KANSL1L: variants seen among roughly 807,000 people sequenced by gnomAD.
KANSL1L encodes the protein KAT8 regulatory NSL complex subunit 1-like protein.
KANSL1L carries 25 observed loss-of-function variants against 108.6 expected under a neutral mutation model. That is an observed-to-expected ratio of 0.23 (90% CI 0.17 to 0.32). KANSL1L has a LOEUF of 0.32. Among genes scored for constraint, KANSL1L ranks in the 10% least tolerant of loss-of-function variants. The pLI is 1.00. For synonymous variants in KANSL1L, 405 were observed against 395.1 expected (o/e 1.03, Z -0.30); for missense variants, 1,137 against 1,125.7 (o/e 1.01, Z -0.14).
intron 10 of KANSL1L, 48 bp downstream of exon 10, chr2:210,029,755 T>C: frequency 1.1e-6 from 1 of 928,530 alleles, no homozygotes; most frequent in Non-Finnish European, 1.7e-6. Flanking sequence ...AAATCAGGTG[T>C]TTTTATTTTT....
intron 6 of KANSL1L, among the ~76,000 whole-genome samples, chr2:210,062,450 G>C (rs2094429974): frequency 6.6e-6 from 1 of 152,166 alleles, no homozygotes; most frequent in Non-Finnish European, 1.5e-5. Flanking sequence ...CCAAAAATGT[G>C]GAAGCGACTT....
At chr2:210,169,295 A>C (rs1240335631) in intron 1 of KANSL1L, among the ~76,000 whole-genome samples, 2 of 152,232 alleles carry the variant, frequency 1.3e-5, no homozygotes, top group Non-Finnish European at 2.9e-5. Context: ...GAAACATCCC[A>C]CATACGTGCC....
chr2:210,154,510 C>A lies in KANSL1L; in HGVS notation c.73G>T (p.Asp25Tyr). The part of the protein sequence containing the change: ...FSSLPSTMES[D>Y]KMLYMESPRT... ...GGACTTTCCATGTAGAGCATCTTGT[C>A]AGACTCCATGGTACTTGGCAAAGAT... The change falls in exon 2 of 15, where the codon GAC becomes TAC. Residue 25 changes from aspartate to tyrosine, a missense_variant. Coordinates refer to ENST00000281772, the MANE Select transcript of KANSL1L (RefSeq NM_152519.4). 1 of 1,606,080 alleles carries A rather than the reference C, an allele frequency of 6.2e-7. No individual in the cohort carries two copies.
chr2:210,130,912 A>C (rs1198694663), intron 2 of KANSL1L, among the ~76,000 whole-genome samples: 1 of 152,134 alleles, frequency 6.6e-6, no homozygotes, highest in Non-Finnish European at 1.5e-5. Flanking sequence ...AATGAAAAAA[A>C]AGTCAGGAAA....
intron 5 of KANSL1L, among the ~76,000 whole-genome samples, chr2:210,090,622 T>G (rs1178421842): frequency 6.6e-6 from 1 of 152,162 alleles, no homozygotes; most frequent in Non-Finnish European, 1.5e-5. Context: ...CACTGCAGCC[T>G]CAACTGTCCT....
At chr2:210,101,776 A>C (rs2094795963) in intron 4 of KANSL1L, among the ~76,000 whole-genome samples, 1 of 152,212 alleles carries the variant, frequency 6.6e-6, no homozygotes, top group Admixed American at 6.5e-5. Context: ...CTGGGCAATT[A>C]TAAATTTAAC....
intron 6 of KANSL1L, among the ~76,000 whole-genome samples, chr2:210,051,181 TC>T (rs1275190466): frequency 6.6e-6 from 1 of 152,172 alleles, no homozygotes. Flanking sequence ...TTGAGCTAGT[TC>T]CCACATACTT....
At chr2:210,066,431 A>G (rs2094467518) in intron 6 of KANSL1L, among the ~76,000 whole-genome samples, 1 of 152,270 alleles carries the variant, frequency 6.6e-6, no homozygotes, top group African/African-American at 2.4e-5. Flanking sequence ...CAACGGGGAT[A>G]GGCTACTCTG....
chr2:210,090,213 A>C (rs964850273), intron 5 of KANSL1L, among the ~76,000 whole-genome samples: 1 of 152,146 alleles, frequency 6.6e-6, no homozygotes, highest in African/African-American at 2.4e-5. Context: ...TGTTTTATAA[A>C]AGTTCTGAGT....
chr2:210,138,511 T>TAA (rs1431239017), intron 2 of KANSL1L, among the ~76,000 whole-genome samples: 6 of 152,164 alleles, frequency 3.9e-5, no homozygotes, highest in South Asian at 2.1e-4. Flanking sequence ...ATCAATTCTA[T>TAA]AAAAAAAACT....
chr2:210,027,980 A>T (rs1380921711), intron 11 of KANSL1L, among the ~76,000 whole-genome samples: 1 of 152,188 alleles, frequency 6.6e-6, no homozygotes, highest in Non-Finnish European at 1.5e-5. Context: ...TAGAATAGAG[A>T]TGTATAGCAA....
chr2:210,132,937 G>A (rs2095135188), intron 2 of KANSL1L, among the ~76,000 whole-genome samples: 1 of 152,112 alleles, frequency 6.6e-6, no homozygotes, highest in Non-Finnish European at 1.5e-5. Flanking sequence ...TGAGCCACAA[G>A]TTTTCTATGT....
Position 210,154,522 on chromosome 2 carries a change from T to C in KANSL1L, c.61A>G (p.Thr21Ala), listed in dbSNP as rs1342343555. 1.9e-6 allele frequency: 3 copies of C among 1,587,642 alleles called. No individual in the cohort carries two copies. The highest frequency in any genetic ancestry group is 1.4e-5 in the African/African-American group (1 of 73,854). ...KGISFSSLPS[T>A]MESDKMLYME... Reference sequence around the variant, plus strand: ...TAGAGCATCTTGTCAGACTCCATGGTACTTGGCAAAGATGAAAAGCTGATA... The same window carrying C: ...TAGAGCATCTTGTCAGACTCCATGGCACTTGGCAAAGATGAAAAGCTGATA... Residue 21 changes from threonine (T) to alanine (A), a missense_variant, in exon 2 of 15, where the codon ACC becomes GCC. Thr to Ala is a moderately conservative substitution (Grantham distance 58). Coordinates refer to ENST00000281772, the MANE Select transcript of KANSL1L (RefSeq NM_152519.4).
intron 1 of KANSL1L, among the ~76,000 whole-genome samples, chr2:210,169,189 C>T (rs1173169030): frequency 6.6e-6 from 1 of 152,044 alleles, no homozygotes; most frequent in Non-Finnish European, 1.5e-5. Flanking sequence ...GACTCTTTGG[C>T]CCAGTAATTC....
At chr2:210,127,424 A>G (rs1372650098) in intron 3 of KANSL1L, among the ~76,000 whole-genome samples, 3 of 152,206 alleles carry the variant, frequency 2.0e-5, no homozygotes, top group Non-Finnish European at 4.4e-5. Context: ...ACAGGTAATA[A>G]AAGAAAAAGT....
At chr2:210,064,915 G>C (rs2094453235) in intron 6 of KANSL1L, among the ~76,000 whole-genome samples, 1 of 151,412 alleles carries the variant, frequency 6.6e-6, no homozygotes, top group Non-Finnish European at 1.5e-5. Flanking sequence ...AACTCATAGA[G>C]CTAGCTAAGG....
In KANSL1L at chr2:210,148,401, T is replaced by A. The variant is rs533967434; in HGVS notation, c.1088+5094A>T. ...AGAAATAACGTAACTGTAGCCAACT[T>A]TTGTCAGCGACTCACCCACATCCCC... On this transcript the variant is annotated intron_variant, in intron 2 of 14. Transcript: ENST00000281772. 2.0e-5 allele frequency among the ~76,000 whole-genome samples: 3 copies of A among 152,274 alleles called. No homozygotes were observed. The East Asian group carries it at 5.8e-4, about 29-fold the overall frequency.
At position 210,054,743 on chromosome 2, in the gene KANSL1L, A is replaced by T. The variant is rs563006486; in HGVS notation, c.1756-10639T>A. Among the ~76,000 whole-genome samples, 11 of 152,062 alleles carry T rather than the reference A, an allele frequency of 7.2e-5. No homozygotes were observed. The South Asian group carries it at 2.3e-3, about 32-fold the overall frequency. The stretch of plus-strand genomic sequence containing the variant: ...CAATTAGGCAAGAAAAAGAAATAAA[A>T]AGGGAAGAAGGAAGGGTAGGAAAGG... On this transcript the variant is annotated intron_variant, in intron 6 of 14. Coordinates refer to ENST00000281772, the MANE Select transcript of KANSL1L (RefSeq NM_152519.4).
chr2:210,066,986 C>A (rs1309906037), intron 6 of KANSL1L, among the ~76,000 whole-genome samples: 1 of 152,102 alleles, frequency 6.6e-6, no homozygotes, highest in Non-Finnish European at 1.5e-5. Context: ...AGAAGATCAC[C>A]CTCACCTAAT....
Sources: gnomAD v4.1 joint callset for allele counts (sites outside exome capture counted in the v4.1 genomes callset) on GRCh38, gnomAD v4.1.1 for gene constraint, MANE v1.5 for transcripts, NCBI Gene and HGNC (gene_info 2026-07-23, HGNC 2026-07-21) for gene names.